Variants in SPATA6L observed in about 807,000 individuals in gnomAD.
SPATA6L encodes the protein spermatogenesis associated 6 like.
A neutral mutation model predicts 49.2 loss-of-function variants in SPATA6L; 68 were observed. The ratio of observed to expected loss-of-function variants is 1.38; its 90% CI spans 1.14 to 1.69. The LOEUF (loss-of-function observed/expected upper bound fraction) is 1.69, where lower values mean the gene tolerates loss of function less well. Among genes scored for constraint, SPATA6L ranks in the 40% most tolerant of loss-of-function variants. The probability of loss-of-function intolerance (pLI) is 0.00; values close to 1 mark genes in which losing one functional copy is unlikely to be tolerated. For missense variants in SPATA6L, 668 were observed against 464.3 expected (o/e 1.44, Z -4.03); for synonymous variants, 198 against 165.7 (o/e 1.19, Z -1.50).
In SPATA6L at chr9:4,608,973, G is replaced by A. The variant is rs971932757; in HGVS notation, c.996-3533C>T. Among the ~76,000 whole-genome samples, 204 of 151,934 alleles carry A rather than the reference G, an allele frequency of 1.3e-3. 2 individuals are homozygous for A. Among genetic ancestry groups the A allele is most frequent in the African/African-American group, 4.6e-3 (188 of 41,282 alleles). ...AAATGATAAAGGGGATATCACCACC[G>A]ATCCCACAGAAATACAAACTACCAT... On this transcript the variant is annotated intron_variant, in intron 9 of 11. Coordinates refer to ENST00000682582, the MANE Select transcript of SPATA6L (RefSeq NM_001353486.2).
rs531360522 is a variant in SPATA6L at position 4,638,763 on chromosome 9, CTCTTT to C, written c.227-3369_227-3365del. The stretch of plus-strand genomic sequence containing the variant: ...CTCCTGAAGCTTATAGTGTTAAGAA[CTCTTT>C]TCTTTTCTTTTCTTTTCTTTTCTTT... On this transcript the variant is annotated intron_variant, in intron 3 of 11. Coordinates refer to ENST00000682582, the MANE Select transcript of SPATA6L (RefSeq NM_001353486.2). 2.1e-3 allele frequency among the ~76,000 whole-genome samples: 307 copies of C among 149,144 alleles called. 1 individual carries two copies. Among genetic ancestry groups the C allele is most frequent in the South Asian group, 8.0e-3 (38 of 4,764 alleles).
rs191161433 is a variant in SPATA6L at position 4,626,407 on chromosome 9, C to T, written c.430-841G>A. The T allele has an allele frequency of 4.0e-5, 52 of 1,302,598 alleles. 1 individual carries two copies. The African/African-American group carries it at 6.4e-4, about 16-fold the overall frequency. The allele number at this position is 1,302,598 out of a possible 1,614,324, so 80.7% of individuals were successfully genotyped here. A position where few individuals can be genotyped will look rare whatever the true frequency, so the allele number is the denominator to read the frequency against. ...TGCCCCTCCTTTGAGATCTGAGTTCCAGCTCATCCAAGTCCCACCTTCGAA... is the reference window on the plus strand; with the variant it reads ...TGCCCCTCCTTTGAGATCTGAGTTCTAGCTCATCCAAGTCCCACCTTCGAA... On this transcript the variant is annotated intron_variant, in intron 5 of 11. Coordinates refer to ENST00000682582, the MANE Select transcript of SPATA6L (RefSeq NM_001353486.2).
rs757379788 is a variant in SPATA6L, at chr9:4,625,525, A to T, written c.471T>A (p.His157Gln). ...HESRRPLSTS[H>Q]EPIFPLNTIK... The stretch of plus-strand genomic sequence containing the variant: ...TAGTATTTAAGGGAAATATTGGTTC[A>T]TGTGATGTAGATAAAGGCCTCCGTG... The change falls in exon 6 of 12, where the codon CAT becomes CAA. Residue 157 changes from histidine to glutamine, a missense_variant. Coordinates refer to ENST00000682582, the MANE Select transcript of SPATA6L (RefSeq NM_001353486.2). The T allele has an allele frequency of 5.6e-6, 9 of 1,612,470 alleles. No individual in the cohort carries two copies. The African/African-American group carries it at 1.1e-4, about 19-fold the overall frequency.
chr9:4,613,473 T>A (rs1233046309), intron 9 of SPATA6L, among the ~76,000 whole-genome samples: 1 of 135,956 alleles, frequency 7.4e-6, no homozygotes, highest in Non-Finnish European at 1.6e-5. Flanking sequence ...ACAGTATGAA[T>A]GGATCTACAC....
intron 3 of SPATA6L, 47 bp from the exon 4 acceptor site, chr9:4,635,446 A>T (rs748247112): frequency 6.5e-7 from 1 of 1,539,830 alleles, no homozygotes; most frequent in Non-Finnish European, 8.7e-7. Flanking sequence ...TTACACCTCC[A>T]GGCTTAACAA....
At chr9:4,657,947 C>A (rs915013943) in intron 2 of SPATA6L, among the ~76,000 whole-genome samples, 1 of 152,078 alleles carries the variant, frequency 6.6e-6, no homozygotes, top group African/African-American at 2.4e-5. Flanking sequence ...CTAATGACTT[C>A]CCCCACCCCC....
intron 11 of SPATA6L, among the ~76,000 whole-genome samples, chr9:4,603,743 G>A (rs1023835789): frequency 2.6e-5 from 4 of 152,178 alleles, no homozygotes; most frequent in Admixed American, 6.5e-5. Context: ...GAAAAATGCT[G>A]TGTACTAAAG....
At chr9:4,626,894 C>T (rs1479485688) in intron 5 of SPATA6L, 3 of 169,792 alleles carry the variant, frequency 1.8e-5, no homozygotes, top group Admixed American at 5.8e-5. Context: ...ATATGCAATG[C>T]AGCGTGATCT....
At position 4,622,428 on chromosome 9, in the gene SPATA6L, A is replaced by G; in HGVS notation, c.752T>C (p.Phe251Ser). Reference protein sequence around the residue: ...RSRRKSKFSDFPFPTRRASSL... With the variant: ...RSRRKSKFSDSPFPTRRASSL... ...AGTACCTCTTCTCGTTGGAAACGGA[A>G]AGTCTGAAAACTTAGATTTTCTTCT... Residue 251 changes from phenylalanine (F) to serine (S), a missense_variant, in exon 7 of 12, where the codon TTT becomes TCT. By Grantham distance (155) the Phe-to-Ser change is radical (BLOSUM62 -2). Transcript: ENST00000682582. 6.2e-7 allele frequency: 1 copy of G among 1,612,942 alleles called. No homozygotes were observed. Among genetic ancestry groups the G allele is most frequent in the Non-Finnish European group, 8.5e-7 (1 of 1,179,014 alleles).
downstream of SPATA6L, among the ~76,000 whole-genome samples, chr9:4,597,936 C>A (rs1332688467): frequency 6.6e-6 from 1 of 152,232 alleles, no homozygotes; most frequent in African/African-American, 2.4e-5. Flanking sequence ...ACTGGCTATA[C>A]TGAGAGTAGC....
Position 4,662,731 on chromosome 9 carries a change from T to A in SPATA6L, c.40-695A>T, listed in dbSNP as rs754070986. On this transcript the variant is annotated intron_variant, in intron 1 of 11. Transcript: ENST00000682582. The surrounding 1 kb of genome is among the most constrained non-coding windows in gnomAD (Gnocchi z 4.9). ...CTGTGGCTGTCCAAGAAGCTGGGGGTGTGCGCGGGAGAGAGCTCGTCGTGG... is the reference window on the plus strand; with the variant it reads ...CTGTGGCTGTCCAAGAAGCTGGGGGAGTGCGCGGGAGAGAGCTCGTCGTGG... The A allele has an allele frequency of 9.4e-6, 15 of 1,602,564 alleles. No individual in the cohort carries two copies. Among genetic ancestry groups the A allele is most frequent in the Non-Finnish European group, 1.3e-5 (15 of 1,179,862 alleles).
chr9:4,617,887 AC>A, intron 9 of SPATA6L, 35 bp downstream of exon 9: 1 of 1,538,904 alleles, frequency 6.5e-7, no homozygotes, highest in South Asian at 1.3e-5. Context: ...GCCACAATGC[AC>A]TCGTCAGGCA....
chr9:4,666,069 A>ACCTT lies in SPATA6L; in HGVS notation c.39+142_39+143insAAGG, dbSNP rs60279350. 6 of 768,754 alleles carry ACCTT rather than the reference A, an allele frequency of 7.8e-6. No individual in the cohort carries two copies. The African/African-American group carries it at 1.0e-4, about 13-fold the overall frequency. 47.6% of individuals were successfully genotyped at this position (768,754 alleles called of 1,614,324 possible). The stretch of plus-strand genomic sequence containing the variant: ...AAGTCAGGGAAAACCAATATGGAGA[A>ACCTT]AAAGACAAAGGTGCGATCTGTCCCA... On this transcript the variant is annotated intron_variant, in intron 1 of 11. Coordinates refer to ENST00000682582, the MANE Select transcript of SPATA6L (RefSeq NM_001353486.2).
chr9:4,648,008 T>C (rs1210383080), intron 3 of SPATA6L, among the ~76,000 whole-genome samples: 3 of 152,118 alleles, frequency 2.0e-5, no homozygotes, highest in African/African-American at 4.8e-5. Context: ...CTACTTTTTG[T>C]ATTTTTAGTT....
At chr9:4,627,680 C>T (rs944443398) in intron 5 of SPATA6L, 1 of 1,214,594 alleles carries the variant, frequency 8.2e-7, no homozygotes, top group Admixed American at 2.6e-5. Context: ...GTGAGGGAGG[C>T]AGACACTAGG....
chr9:4,596,976 C>A (rs529402778), downstream of SPATA6L, among the ~76,000 whole-genome samples: 3 of 152,302 alleles, frequency 2.0e-5, no homozygotes, highest in Admixed American at 2.0e-4. Flanking sequence ...CTAATGCTCA[C>A]TGAGTGCTCA....
At chr9:4,656,424 G>A (rs953387271) in intron 2 of SPATA6L, among the ~76,000 whole-genome samples, 1 of 148,294 alleles carries the variant, frequency 6.7e-6, no homozygotes, top group Non-Finnish European at 1.5e-5. Flanking sequence ...GGGAGAAAGA[G>A]TGAGACCCTG....
chr9:4,622,577 G>A (rs1372802361), intron 6 of SPATA6L, 67 bp from the exon 7 acceptor site: 8 of 1,089,416 alleles, frequency 7.3e-6, no homozygotes, highest in Admixed American at 4.0e-5. Context: ...CCTCGTTACC[G>A]GAATGCCTGT....
At position 4,646,779 on chromosome 9, in the gene SPATA6L, T is replaced by G. The variant is rs546867679; in HGVS notation, c.226+9262A>C. Among the ~76,000 whole-genome samples the G allele has an allele frequency of 7.2e-5, 11 of 152,276 alleles. No homozygotes were observed. In the South Asian group the frequency reaches 1.9e-3, roughly 26 times the overall value. On this transcript the variant is annotated intron_variant, in intron 3 of 11. Transcript: ENST00000682582. Reference sequence around the variant, plus strand: ...TAAAAAAGAACAAGCGTTCATGTCTTTTGAAGGATCTGGAGGCCATTATCA... The same window carrying G: ...TAAAAAAGAACAAGCGTTCATGTCTGTTGAAGGATCTGGAGGCCATTATCA...
Sources: allele counts gnomAD v4.1 joint callset (sites outside exome capture counted in the v4.1 genomes callset), GRCh38; gene constraint gnomAD v4.1.1; non-coding constraint Gnocchi (gnomAD v3.1); transcripts MANE v1.5; gene names NCBI Gene and HGNC (gene_info 2026-07-23, HGNC 2026-07-21).